Variants in TBC1D1 observed in about 807,000 individuals in gnomAD.
TBC1D1 encodes the protein TBC1 (tre-2/USP6, BUB2, cdc16) domain family, member 1.
A neutral mutation model predicts 125.6 loss-of-function variants in TBC1D1; 89 were observed. That is an observed-to-expected ratio of 0.71 (90% CI 0.60 to 0.85). The LOEUF (loss-of-function observed/expected upper bound fraction) is 0.85, where lower values mean the gene tolerates loss of function less well. Ranked by LOEUF, TBC1D1 falls within the 40% of genes least tolerant of loss-of-function variation. TBC1D1 has a pLI of 0.00. For synonymous variants in TBC1D1, 565 were observed against 564.1 expected (o/e 1.00, Z -0.02); for missense variants, 1,377 against 1,469.2 (o/e 0.94, Z 1.03).
At chr4:38,132,929 G>A (rs542264900) in intron 18 of TBC1D1, 155 bp from the exon 21 acceptor site, 75 of 464,320 alleles carry the variant, frequency 1.6e-4, no homozygotes, top group Middle Eastern at 1.2e-3. Context: ...TTCTCAGTGC[G>A]TAGTTTTTCT....
At chr4:38,134,889 A>G (rs991636708) in intron 19 of TBC1D1, among the ~76,000 whole-genome samples, 1 of 152,222 alleles carries the variant, frequency 6.6e-6, no homozygotes, top group Non-Finnish European at 1.5e-5. Context: ...TGGAAGGATC[A>G]TTCAGAACTG....
chr4:37,933,729 G>T (rs1027287659), intron 2 of TBC1D1, among the ~76,000 whole-genome samples: 1 of 152,168 alleles, frequency 6.6e-6, no homozygotes, highest in African/African-American at 2.4e-5. Context: ...AAAAAAGATA[G>T]ATATGATTCA....
chr4:37,953,586 A>G (rs755075822), intron 2 of TBC1D1, among the ~76,000 whole-genome samples: 121 of 152,354 alleles, frequency 7.9e-4, no homozygotes, highest in Non-Finnish European at 1.0e-3. Context: ...TTTAATCATG[A>G]CTTGAATAAG....
At chr4:38,122,348 G>A (rs1763987112) in intron 17 of TBC1D1, among the ~76,000 whole-genome samples, 1 of 152,232 alleles carries the variant, frequency 6.6e-6, no homozygotes, top group African/African-American at 2.4e-5. Flanking sequence ...TTGCTTGGCT[G>A]GGGCAGAGGC....
chr4:38,070,063 T>C (rs967816962), intron 12 of TBC1D1, among the ~76,000 whole-genome samples: 15 of 152,110 alleles, frequency 9.9e-5, no homozygotes, highest in African/African-American at 2.7e-4. Flanking sequence ...CCAGCCACCA[T>C]AAGTTGGTGT....
chr4:37,925,173 A>G (rs1469481505), intron 2 of TBC1D1, among the ~76,000 whole-genome samples: 1 of 152,182 alleles, frequency 6.6e-6, no homozygotes, highest in Non-Finnish European at 1.5e-5. Flanking sequence ...CGTCATACCT[A>G]GTGTTCTCTC....
intron 14 of TBC1D1, among the ~76,000 whole-genome samples, chr4:38,097,935 A>T (rs1759652227): frequency 1.3e-5 from 2 of 152,242 alleles, no homozygotes; most frequent in Non-Finnish European, 2.9e-5. Context: ...TCTATGGATA[A>T]GGAAACTTGG....
At chr4:38,134,282 T>C (rs1358499822) in intron 19 of TBC1D1, among the ~76,000 whole-genome samples, 1 of 152,182 alleles carries the variant, frequency 6.6e-6, no homozygotes, top group Non-Finnish European at 1.5e-5. Context: ...CTGAAATGCA[T>C]TCCTCCCAGC....
chr4:38,076,108 A>C lies in TBC1D1; in HGVS notation c.2051-13824A>C, dbSNP rs373161870. 1.1e-3 allele frequency among the ~76,000 whole-genome samples: 173 copies of C among 152,326 alleles called. 1 individual carries two copies. Among genetic ancestry groups the C allele is most frequent in the African/African-American group, 3.9e-3 (164 of 41,572 alleles). ...CTGAGACTGGGTAATTTATAAAGGA[A>C]AGAGGTTGACTCACAGTTCAGCATG... On this transcript the variant is annotated intron_variant, in intron 12 of 19. Transcript: ENST00000261439.
At chr4:37,893,074 C>G (rs1449604438) in intron 1 of TBC1D1, among the ~76,000 whole-genome samples, 1 of 152,200 alleles carries the variant, frequency 6.6e-6, no homozygotes, top group African/African-American at 2.4e-5. Context: ...GCTGTTACCT[C>G]TTCTGTGTTC....
At position 38,118,383 on chromosome 4, in the gene TBC1D1, C is replaced by T. The variant is rs905442965; in HGVS notation, c.2962+191C>T. On this transcript the variant is annotated intron_variant, in intron 17 of 19. Transcript: ENST00000261439. ...AGTCCTCCTTAACTTCTGATAATCACGGGGCTTCCCTAGATGCCTTCATCT... is the reference window on the plus strand; with the variant it reads ...AGTCCTCCTTAACTTCTGATAATCATGGGGCTTCCCTAGATGCCTTCATCT... 2.5e-5 allele frequency: 14 copies of T among 558,802 alleles called. No homozygotes were observed. The East Asian group carries it at 2.7e-4, about 11-fold the overall frequency. The allele number at this position is 558,802 out of a possible 1,614,324, so 34.6% of individuals were successfully genotyped here.
At chr4:38,119,548 A>C (rs1763523956) in intron 17 of TBC1D1, among the ~76,000 whole-genome samples, 3 of 152,204 alleles carry the variant, frequency 2.0e-5, no homozygotes, top group Admixed American at 2.0e-4. Context: ...AAAAGCCTCA[A>C]AATTGTGTGC....
At position 38,137,724 on chromosome 4, in the gene TBC1D1, G is replaced by A. The variant is rs769408875; in HGVS notation, c.*389G>A. On this transcript the variant is annotated 3_prime_UTR_variant, in exon 20 of 20. Coordinates refer to ENST00000261439, the MANE Select transcript of TBC1D1 (RefSeq NM_015173.4). ...TCGAGATCATGCCTCAGGCAAAGGCGTGGGTCCATCGTTCTTCCGAGAGGG... is the reference window on the plus strand; with the variant it reads ...TCGAGATCATGCCTCAGGCAAAGGCATGGGTCCATCGTTCTTCCGAGAGGG... 40 of 172,040 alleles carry A rather than the reference G, an allele frequency of 2.3e-4. No individual in the cohort carries two copies. The highest frequency in any genetic ancestry group is 3.7e-4 in the Non-Finnish European group (30 of 81,608). The allele number at this position is 172,040 out of a possible 1,614,324, so 10.7% of individuals were successfully genotyped here.
chr4:38,132,389 A>G (rs1560279222), intron 18 of TBC1D1, among the ~76,000 whole-genome samples: 2 of 152,188 alleles, frequency 1.3e-5, no homozygotes, highest in Admixed American at 1.3e-4. Flanking sequence ...CTTCCTTACC[A>G]AGAGAAAGTA....
intron 6 of TBC1D1, among the ~76,000 whole-genome samples, chr4:38,023,894 A>G (rs1424726211): frequency 6.6e-6 from 1 of 152,218 alleles, no homozygotes; most frequent in Non-Finnish European, 1.5e-5. Context: ...GAACTGCCGT[A>G]TGGTACCACA....
At chr4:38,015,172 T>C (rs1742434529) in intron 3 of TBC1D1, among the ~76,000 whole-genome samples, 199 bp downstream of exon 3, 1 of 152,186 alleles carries the variant, frequency 6.6e-6, no homozygotes. Flanking sequence ...GGGAGAAACA[T>C]GCCCATGTGT....
intron 7 of TBC1D1, among the ~76,000 whole-genome samples, chr4:38,031,641 G>A (rs1214126426): frequency 6.6e-6 from 1 of 152,084 alleles, no homozygotes; most frequent in Non-Finnish European, 1.5e-5. Flanking sequence ...TTAAGAGAAA[G>A]GGGCTCACTC....
rs1749340471 is a variant in TBC1D1, at chr4:38,045,854, G to A, written c.1580G>A (p.Ser527Asn). The A allele has an allele frequency of 1.2e-6, 2 of 1,614,166 alleles. No individual in the cohort carries two copies. Among genetic ancestry groups the A allele is most frequent in the African/African-American group, 2.7e-5 (2 of 75,046 alleles). The change falls in exon 10 of 20, where the codon AGT becomes AAT. Residue 527 changes from serine (S) to asparagine (N), a missense_variant. By Grantham distance (46) the Ser-to-Asn change is conservative (BLOSUM62 1). Coordinates refer to ENST00000261439, the MANE Select transcript of TBC1D1 (RefSeq NM_015173.4). Reference sequence around the variant, plus strand: ...AGAGGCCTGCAGGAACACTCCATCAGTGTGGATCTGGATAGCTCCCTGTCT... The same window carrying A: ...AGAGGCCTGCAGGAACACTCCATCAATGTGGATCTGGATAGCTCCCTGTCT...
intron 2 of TBC1D1, among the ~76,000 whole-genome samples, chr4:37,957,627 C>G (rs894356019): frequency 1.3e-5 from 2 of 152,198 alleles, no homozygotes; most frequent in South Asian, 4.1e-4. Context: ...AAAATAAAAA[C>G]AAATAAATAA....
Sources: gnomAD v4.1 joint callset for allele counts (sites outside exome capture counted in the v4.1 genomes callset) on GRCh38, gnomAD v4.1.1 for gene constraint, MANE v1.5 for transcripts, NCBI Gene and HGNC (gene_info 2026-07-23, HGNC 2026-07-21) for gene names.